The following HP1BP3 variants were observed in gnomAD, a reference collection of about 807,000 sequenced individuals.
HP1BP3 encodes heterochromatin protein 1-binding protein 3.
A neutral mutation model predicts 62.5 loss-of-function variants in HP1BP3; 12 were observed. The observed-to-expected ratio is 0.19, with a 90% CI of 0.12 to 0.31. HP1BP3 has a LOEUF of 0.31. Ranked by LOEUF, HP1BP3 falls within the 10% of genes least tolerant of loss-of-function variation. The pLI is 1.00. For missense variants in HP1BP3, 502 were observed against 651.8 expected, an observed-to-expected ratio of 0.77 and a Z score of 2.50; for synonymous variants, 260 against 237.8, an observed-to-expected ratio of 1.09 and a Z score of -0.86.
chr1:20,748,565 T>C (rs1015498621), intron 10 of HP1BP3, among the ~76,000 whole-genome samples: 3 of 152,044 alleles, frequency 2.0e-5, no homozygotes, highest in Non-Finnish European at 4.4e-5. Context: ...GCTAATACGG[T>C]GAAACCCTGT....
intron 8 of HP1BP3, among the ~76,000 whole-genome samples, chr1:20,764,621 T>G (rs970871767): frequency 3.3e-5 from 5 of 150,540 alleles, no homozygotes; most frequent in Admixed American, 2.0e-4. Context: ...ACTACATATC[T>G]TAACAGCTGA....
At chr1:20,762,231 T>C (rs1052560806) in intron 8 of HP1BP3, among the ~76,000 whole-genome samples, 1 of 152,136 alleles carries the variant, frequency 6.6e-6, no homozygotes, top group African/African-American at 2.4e-5. Flanking sequence ...AAAATTACCA[T>C]TAAAAAGGCC....
intron 1 of HP1BP3, among the ~76,000 whole-genome samples, chr1:20,782,711 C>T (rs2154541630): frequency 6.6e-6 from 1 of 151,836 alleles, no homozygotes; most frequent in Middle Eastern, 3.4e-3. Flanking sequence ...ACCAGCCTGG[C>T]CAGTATGGTG....
chr1:20,753,345 T>C (rs1194351243), intron 9 of HP1BP3, among the ~76,000 whole-genome samples: 1 of 152,112 alleles, frequency 6.6e-6, no homozygotes, highest in Non-Finnish European at 1.5e-5. Context: ...AAAGAGCCTG[T>C]CATGTAAAAA....
chr1:20,746,787 G>A (rs1410517057), intron 11 of HP1BP3, among the ~76,000 whole-genome samples: 2 of 152,150 alleles, frequency 1.3e-5, no homozygotes, highest in Admixed American at 1.3e-4. Context: ...AGGCTGAGGC[G>A]AGAGGACTGC....
intron 9 of HP1BP3, among the ~76,000 whole-genome samples, chr1:20,756,921 G>A (rs1400059241): frequency 1.3e-5 from 2 of 152,104 alleles, no homozygotes; most frequent in East Asian, 3.9e-4. Context: ...GTTTCACCAG[G>A]CTGGTCTCGA....
chr1:20,765,481 G>A lies in HP1BP3; in HGVS notation c.786C>T (p.Val262=). 6.2e-7 allele frequency: 1 copy of A among 1,613,378 alleles called. No individual in the cohort carries two copies. Among genetic ancestry groups the A allele is most frequent in the African/African-American group, 1.3e-5 (1 of 75,008 alleles). Residue 262 remains valine, a synonymous_variant, in exon 8 of 13, where the codon GTC becomes GTT. Transcript: ENST00000438032. Reference sequence around the variant, plus strand: ...AAAGGCGAGTAAAGGCCAGTGGGAGGACATCCTCCAATTTTACTTGTGGTT... The same window carrying A: ...AAAGGCGAGTAAAGGCCAGTGGGAGAACATCCTCCAATTTTACTTGTGGTT... ...DPEPQVKLED[V]LPLAFTRLCE... is the part of the protein sequence containing the mutation.
At chr1:20,767,768 CT>C in intron 6 of HP1BP3, 104 bp from the exon 7 acceptor site, 1 of 653,894 alleles carries the variant, frequency 1.5e-6, no homozygotes. Flanking sequence ...GTGGTGTTTA[CT>C]TCTTCAGAGA....
At chr1:20,785,568 T>C (rs1415851345) in intron 1 of HP1BP3, among the ~76,000 whole-genome samples, 3 of 152,230 alleles carry the variant, frequency 2.0e-5, no homozygotes, top group East Asian at 1.9e-4. Context: ...ATGTAAGTTA[T>C]ATAAGCAAAC....
chr1:20,771,989 G>A (rs1049867910), intron 5 of HP1BP3, among the ~76,000 whole-genome samples: 3 of 152,112 alleles, frequency 2.0e-5, no homozygotes, highest in Non-Finnish European at 4.4e-5. Context: ...TGCACAACAC[G>A]AAACAAGTTG....
At chr1:20,779,756 C>T (rs1245262799) in intron 3 of HP1BP3, 56 bp downstream of exon 3, 3 of 1,109,238 alleles carry the variant, frequency 2.7e-6, no homozygotes, top group East Asian at 5.0e-5. Flanking sequence ...TTATGGGACA[C>T]TCCAAATTGC....
intron 7 of HP1BP3, among the ~76,000 whole-genome samples, chr1:20,766,452 CA>C (rs546934401): frequency 3.8e-4 from 52 of 136,176 alleles, no homozygotes; most frequent in African/African-American, 7.6e-4. Context: ...AGTTGTAAAA[CA>C]AAAAAAAAAG....
chr1:20,770,441 A>T (rs761406101), intron 6 of HP1BP3, among the ~76,000 whole-genome samples: 1 of 152,054 alleles, frequency 6.6e-6, no homozygotes, highest in Non-Finnish European at 1.5e-5. Flanking sequence ...TCTGCCTTCC[A>T]AGTACCTGGG....
rs149539103 is a variant in HP1BP3, at chr1:20,778,071, T to C, written c.197-1321A>G. On this transcript the variant is annotated intron_variant, in intron 3 of 12. Coordinates refer to ENST00000438032, the MANE Select transcript of HP1BP3 (RefSeq NM_001372052.1). ...GCATGGGCAAGAATTTACTATTAGT[T>C]AGTCATGTTTATTTACACTTTGTCT... Among the ~76,000 whole-genome samples the C allele has an allele frequency of 1.8e-4, 27 of 152,384 alleles. No individual in the cohort carries two copies. In the East Asian group the frequency reaches 5.0e-3, roughly 28 times the overall value.
chr1:20,777,455 T>G lies in HP1BP3; in HGVS notation c.197-705A>C, dbSNP rs1339853845. On this transcript the variant is annotated intron_variant, in intron 3 of 12. Coordinates refer to ENST00000438032, the MANE Select transcript of HP1BP3 (RefSeq NM_001372052.1). Reference sequence around the variant, plus strand: ...GGCCTTCCCATAAAGAGAATTTTATTTATTTATTTATTTTTTTTTTGAGAC... The same window carrying G: ...GGCCTTCCCATAAAGAGAATTTTATGTATTTATTTATTTTTTTTTTGAGAC... 2.0e-5 allele frequency among the ~76,000 whole-genome samples: 3 copies of G among 151,960 alleles called. No individual in the cohort carries two copies. In the East Asian group the frequency reaches 5.8e-4, roughly 29 times the overall value.
At chr1:20,783,423 G>A (rs1404763520) in intron 1 of HP1BP3, among the ~76,000 whole-genome samples, 1 of 151,962 alleles carries the variant, frequency 6.6e-6, no homozygotes, top group Non-Finnish European at 1.5e-5. Flanking sequence ...GGAGGCTGAG[G>A]GAGAAGAATC....
chr1:20,768,231 G>A (rs1189406214), intron 6 of HP1BP3, among the ~76,000 whole-genome samples: 1 of 151,934 alleles, frequency 6.6e-6, no homozygotes, highest in Non-Finnish European at 1.5e-5. Flanking sequence ...CGAATCACGA[G>A]GTCAGGAGAT....
At chr1:20,760,852 A>T (rs1209381807) in intron 8 of HP1BP3, among the ~76,000 whole-genome samples, 1 of 152,134 alleles carries the variant, frequency 6.6e-6, no homozygotes, top group Non-Finnish European at 1.5e-5. Flanking sequence ...ATAAATAAAT[A>T]AATTTTAAAA....
chr1:20,773,385 C>A, intron 5 of HP1BP3, 66 bp downstream of exon 5: 1 of 1,412,290 alleles, frequency 7.1e-7, no homozygotes, highest in Non-Finnish European at 9.7e-7. Flanking sequence ...AGATATATGC[C>A]ATTTTCAAAT....
Sources: gnomAD v4.1 joint callset for allele counts (sites outside exome capture counted in the v4.1 genomes callset) on GRCh38, gnomAD v4.1.1 for gene constraint, MANE v1.5 for transcripts, NCBI Gene and HGNC (gene_info 2026-07-23, HGNC 2026-07-21) for gene names.